Variants in ADGRV1 observed in about 807,000 individuals in gnomAD.
ADGRV1 encodes adhesion G protein-coupled receptor V1.
ADGRV1 carries 359 observed loss-of-function variants against 596.2 expected under a neutral mutation model. That is an observed-to-expected ratio of 0.60 (90% CI 0.55 to 0.66). The LOEUF (loss-of-function observed/expected upper bound fraction) is 0.66, where lower values mean the gene tolerates loss of function less well. ADGRV1 is among the 30% of genes least tolerant of loss of function. The pLI is 0.00. For synonymous variants in ADGRV1, 2,681 were observed against 2,679.2 expected (o/e 1.00, Z -0.02); for missense variants, 7,274 against 7,575.6 (o/e 0.96, Z 1.48).
chr5:90,714,299 T>C (rs188480604), intron 42 of ADGRV1, among the ~76,000 whole-genome samples: 29 of 152,092 alleles, frequency 1.9e-4, no homozygotes, highest in Admixed American at 1.3e-3. Context: ...TTTGTGATCC[T>C]GTTTTTCGTA....
intron 33 of ADGRV1, 66 bp from the exon 34 acceptor site, chr5:90,696,871 C>A: frequency 1.8e-6 from 2 of 1,108,932 alleles, no homozygotes; most frequent in Non-Finnish European, 2.6e-6. Context: ...TTATTTTGGG[C>A]CTTTCTGAGT....
intron 85 of ADGRV1, among the ~76,000 whole-genome samples, chr5:91,020,190 C>A (rs1783519295): frequency 6.6e-6 from 1 of 151,938 alleles, no homozygotes; most frequent in African/African-American, 2.4e-5. Context: ...AGCAATTGTT[C>A]TTGTCAGGCT....
chr5:90,985,273 T>G, intron 84 of ADGRV1, 71 bp from the exon 85 acceptor site: 1 of 1,139,348 alleles, frequency 8.8e-7, no homozygotes. Context: ...TAACATTGCC[T>G]AAGCCAGTAG....
chr5:90,638,481 T>C (rs546135021), intron 11 of ADGRV1, among the ~76,000 whole-genome samples: 3 of 151,686 alleles, frequency 2.0e-5, no homozygotes, highest in South Asian at 4.2e-4. Context: ...ATAATAAGAA[T>C]CAACAGCATT....
chr5:90,895,468 G>A (rs1015465638), intron 83 of ADGRV1, among the ~76,000 whole-genome samples: 5 of 152,180 alleles, frequency 3.3e-5, no homozygotes, highest in Admixed American at 2.0e-4. Context: ...CAAAGGCCCA[G>A]AGGCCTGAAA....
chr5:90,918,263 T>C (rs1282887203), intron 83 of ADGRV1, among the ~76,000 whole-genome samples: 3 of 152,104 alleles, frequency 2.0e-5, no homozygotes, highest in African/African-American at 7.2e-5. Context: ...AAAGCCTAAT[T>C]TGACTTTCAG....
chr5:90,605,005 G>A (rs1034065138), intron 1 of ADGRV1, among the ~76,000 whole-genome samples: 1 of 152,174 alleles, frequency 6.6e-6, no homozygotes, highest in Non-Finnish European at 1.5e-5. Context: ...GGCATATGTA[G>A]TCCAAATATA....
At position 90,679,643 on chromosome 5, in the gene ADGRV1, C is replaced by T. The variant is rs1157713558; in HGVS notation, c.5524+14C>T. 1 of 1,592,834 alleles carries T rather than the reference C, an allele frequency of 6.3e-7. No homozygotes were observed. Among genetic ancestry groups the T allele is most frequent in the Admixed American group, 1.7e-5 (1 of 59,754 alleles). ...TTCACAAACGTGGTAAGCAGTTTTT[C>T]CAAGGTCCTTTACTATTATAGGTTT... is the stretch of plus-strand genomic sequence containing the variant. On this transcript the variant is annotated intron_variant, in intron 26 of 89. Coordinates refer to ENST00000405460, the MANE Select transcript of ADGRV1 (RefSeq NM_032119.4).
chr5:90,581,072 G>A (rs541096903), intron 1 of ADGRV1, among the ~76,000 whole-genome samples: 2 of 152,214 alleles, frequency 1.3e-5, no homozygotes, highest in Non-Finnish European at 2.9e-5. Context: ...CATGCGTCAC[G>A]AAGTTCTTGT....
rs373001982 is a variant in ADGRV1 at position 90,644,805 on chromosome 5, G to A, written c.2834G>A (p.Gly945Glu). ...ACACAAGATGTATTTCCTGTACAAG[G>A]GACTGTTGTCTTTGGAGATCAGGAA... ...DFTQDVFPVQ[G>E]TVVFGDQEFS... The change falls in exon 15 of 90, where the codon GGG (glycine) becomes GAG (glutamate). Residue 945 changes from glycine (G) to glutamate (E), a missense_variant. By Grantham distance (98) the Gly-to-Glu change is moderately conservative (BLOSUM62 -2). Around this residue, in one of 5 missense-constraint regions of ADGRV1, gnomAD observed 1,715 missense variants for 1,708.8 expected, o/e 1.00. Coordinates refer to ENST00000405460, the MANE Select transcript of ADGRV1 (RefSeq NM_032119.4). The A allele has an allele frequency of 6.0e-5, 97 of 1,611,132 alleles. No homozygotes were observed. The South Asian group carries it at 7.4e-4, about 12-fold the overall frequency.
chr5:91,070,271 T>C (rs1788271656), intron 85 of ADGRV1, among the ~76,000 whole-genome samples: 1 of 152,148 alleles, frequency 6.6e-6, no homozygotes, highest in African/African-American at 2.4e-5. Flanking sequence ...GTTGAAGTTA[T>C]TAAAAAAAAG....
Position 90,638,244 on chromosome 5 carries a change from T to TA in ADGRV1, c.2240+306dup, listed in dbSNP as rs146207847. Among the ~76,000 whole-genome samples, 2,319 of 148,690 alleles carry TA rather than the reference T, an allele frequency of 0.016. 52 individuals carry two copies. The highest frequency in any genetic ancestry group is 0.054 in the African/African-American group (2,183 of 40,722). ...AAACATAGCTAATATGTTGTTATAT[T>TA]AAAAAAAAAATAGGCACCAGCAAAT... On this transcript the variant is annotated intron_variant, in intron 11 of 89. Transcript: ENST00000405460.
chr5:90,801,533 T>C (rs1354234983), intron 70 of ADGRV1, among the ~76,000 whole-genome samples: 1 of 139,868 alleles, frequency 7.1e-6, no homozygotes, highest in African/African-American at 2.7e-5. Flanking sequence ...GATTTATTTG[T>C]TTTTTTTTTT....
intron 75 of ADGRV1, among the ~76,000 whole-genome samples, chr5:90,822,362 A>T (rs1183116442): frequency 6.6e-6 from 1 of 152,142 alleles, no homozygotes; most frequent in African/African-American, 2.4e-5. Context: ...GGAAATGCAG[A>T]AATCACCCGT....
intron 85 of ADGRV1, among the ~76,000 whole-genome samples, chr5:91,051,505 G>T (rs1459959714): frequency 1.3e-5 from 2 of 150,906 alleles, no homozygotes; most frequent in Admixed American, 6.6e-5. Context: ...ATGTTCAGTA[G>T]GTTAGGGGTA....
At chr5:90,863,151 TA>T (rs1767767798) in intron 82 of ADGRV1, among the ~76,000 whole-genome samples, 1 of 152,186 alleles carries the variant, frequency 6.6e-6, no homozygotes, top group Admixed American at 6.5e-5. Flanking sequence ...AAAATATTTT[TA>T]AAACACATGT....
intron 84 of ADGRV1, among the ~76,000 whole-genome samples, chr5:90,983,438 T>G (rs1780241753): frequency 6.6e-6 from 1 of 152,188 alleles, no homozygotes; most frequent in African/African-American, 2.4e-5. Context: ...ACCCTCCTCC[T>G]TGACTCTTCC....
intron 85 of ADGRV1, among the ~76,000 whole-genome samples, chr5:91,067,453 T>G (rs1435232527): frequency 6.6e-6 from 1 of 151,972 alleles, no homozygotes; most frequent in African/African-American, 2.4e-5. Flanking sequence ...GCAAAGGAGA[T>G]TTTTAAGATC....
intron 74 of ADGRV1, among the ~76,000 whole-genome samples, chr5:90,813,147 A>AAAAAAAAAAAC (rs1762595180): frequency 1.0e-5 from 1 of 99,506 alleles, no homozygotes; most frequent in Non-Finnish European, 2.1e-5. Context: ...AAAAAAAAAA[A>AAAAAAAAAAAC]AAAAAAAAAA....
Sources: gnomAD v4.1 joint callset for allele counts (sites outside exome capture counted in the v4.1 genomes callset) on GRCh38, gnomAD v4.1.1 for gene constraint, gnomAD v4.1.1 regional missense constraint, MANE v1.5 for transcripts, NCBI Gene and HGNC (gene_info 2026-07-23, HGNC 2026-07-21) for gene names.